The following MAPK10 variants were observed in gnomAD, a reference collection of about 807,000 sequenced individuals.
MAPK10 encodes the protein JNK3 alpha protein kinase.
A neutral mutation model predicts 59.3 loss-of-function variants in MAPK10; 25 were observed. The observed-to-expected ratio is 0.42, with a 90% CI of 0.31 to 0.59. MAPK10 has a LOEUF of 0.59. Ranked by LOEUF, MAPK10 falls within the 20% of genes least tolerant of loss-of-function variation. The pLI, the probability that MAPK10 is intolerant of heterozygous loss-of-function variation, is 0.15. For synonymous variants in MAPK10, 190 were observed against 200.5 expected (o/e 0.95, Z 0.44); for missense variants, 351 against 568.9 (o/e 0.62, Z 3.90).
At chr4:86,282,875 T>C (rs1351627806) in intron 2 of MAPK10, among the ~76,000 whole-genome samples, 1 of 152,206 alleles carries the variant, frequency 6.6e-6, no homozygotes, top group Non-Finnish European at 1.5e-5. Flanking sequence ...TGATGTAATT[T>C]CCTGCTTATC....
At chr4:86,203,465 C>A (rs1164665262) in intron 2 of MAPK10, among the ~76,000 whole-genome samples, 1 of 151,508 alleles carries the variant, frequency 6.6e-6, no homozygotes, top group Non-Finnish European at 1.5e-5. Flanking sequence ...TTGTTCTGGG[C>A]AGCTCCAGGA....
chr4:86,221,248 A>G (rs150849310), intron 2 of MAPK10, among the ~76,000 whole-genome samples: 1,703 of 152,336 alleles, frequency 0.011, 18 homozygotes, highest in Non-Finnish European at 0.017. Context: ...CTCAAGAACA[A>G]TGCCACCCAG....
chr4:86,211,982 T>G (rs72874014), intron 2 of MAPK10, among the ~76,000 whole-genome samples: 4,518 of 152,038 alleles, frequency 0.03, 156 homozygotes, highest in African/African-American at 0.083. Flanking sequence ...GGAATTAAAA[T>G]GTTTTAGTAC....
At chr4:86,539,788 C>T (rs1758531269) in intron 1 of MAPK10, among the ~76,000 whole-genome samples, 1 of 152,164 alleles carries the variant, frequency 6.6e-6, no homozygotes, top group African/African-American at 2.4e-5. Context: ...AACTGTCCCA[C>T]TAAAATGCTT....
At chr4:86,532,847 C>CT (rs960360691) in intron 1 of MAPK10, among the ~76,000 whole-genome samples, 21 of 152,354 alleles carry the variant, frequency 1.4e-4, no homozygotes, top group Admixed American at 1.3e-3. Flanking sequence ...CCAGTGGCCT[C>CT]TGCCTTGTGG....
intron 2 of MAPK10, among the ~76,000 whole-genome samples, chr4:86,348,523 T>C (rs868752562): frequency 1.2e-4 from 19 of 152,266 alleles, no homozygotes; most frequent in African/African-American, 4.6e-4. Flanking sequence ...CCTTAGATCC[T>C]ACAGTCATTT....
intron 1 of MAPK10, among the ~76,000 whole-genome samples, chr4:86,438,598 G>A (rs527639544): frequency 6.6e-6 from 1 of 151,670 alleles, no homozygotes; most frequent in East Asian, 1.9e-4. Flanking sequence ...GTGGAGGCAG[G>A]AGAATTGCTT....
chr4:86,045,408 C>T (rs948367180), intron 11 of MAPK10, among the ~76,000 whole-genome samples: 2 of 152,098 alleles, frequency 1.3e-5, no homozygotes, highest in Non-Finnish European at 2.9e-5. Flanking sequence ...CTTTGAATTC[C>T]ACCTCCCTTA....
chr4:86,251,151 T>C (rs1452924696), intron 2 of MAPK10, among the ~76,000 whole-genome samples: 1 of 74,020 alleles, frequency 1.4e-5, no homozygotes, highest in Non-Finnish European at 2.4e-5. Flanking sequence ...ATCGTTTTTA[T>C]TTTATTTTAT....
intron 3 of MAPK10, among the ~76,000 whole-genome samples, chr4:86,186,603 T>C (rs1040021422): frequency 1.3e-5 from 2 of 152,122 alleles, no homozygotes; most frequent in African/African-American, 4.8e-5. Flanking sequence ...CTTGTTTCAA[T>C]GATTCATGTC....
chr4:86,517,430 C>G (rs1311850299), intron 1 of MAPK10, among the ~76,000 whole-genome samples: 1 of 151,918 alleles, frequency 6.6e-6, no homozygotes, highest in African/African-American at 2.4e-5. Flanking sequence ...GGCCGGCCAC[C>G]GCGCCCGGCT....
chr4:86,149,418 C>G (rs1041664655), intron 4 of MAPK10, among the ~76,000 whole-genome samples: 5 of 152,132 alleles, frequency 3.3e-5, no homozygotes, highest in African/African-American at 1.2e-4. Context: ...AGGCACCCAC[C>G]ACCACGCCTG....
chr4:86,346,518 G>A (rs115615092), intron 2 of MAPK10, among the ~76,000 whole-genome samples: 1,523 of 152,014 alleles, frequency 0.01, 13 homozygotes, highest in African/African-American at 0.027. Context: ...TTAAATCTGC[G>A]GATGTGAAAC....
chr4:86,198,335 CTG>C (rs2081870482), intron 2 of MAPK10, among the ~76,000 whole-genome samples: 1 of 152,036 alleles, frequency 6.6e-6, no homozygotes, highest in African/African-American at 2.4e-5. Flanking sequence ...AGTAATGCAA[CTG>C]TGTGTGCTGA....
chr4:86,246,353 C>T (rs2093085262), intron 2 of MAPK10, among the ~76,000 whole-genome samples: 1 of 152,098 alleles, frequency 6.6e-6, no homozygotes, highest in South Asian at 2.1e-4. Context: ...ATGGTGTGAA[C>T]CCATGAGGCG....
chr4:86,446,054 A>T (rs1053543204), intron 1 of MAPK10, among the ~76,000 whole-genome samples: 7 of 152,180 alleles, frequency 4.6e-5, no homozygotes, highest in African/African-American at 1.7e-4. Flanking sequence ...GTATTTGATG[A>T]TCGATTATAG....
At chr4:86,572,863 T>C (rs1048158851) in intron 1 of MAPK10, among the ~76,000 whole-genome samples, 1 of 152,238 alleles carries the variant, frequency 6.6e-6, no homozygotes, top group Non-Finnish European at 1.5e-5. Flanking sequence ...TATAATGATA[T>C]TCATCTTAAT....
intron 3 of MAPK10, among the ~76,000 whole-genome samples, chr4:86,175,263 G>T (rs532314270): frequency 6.6e-6 from 1 of 152,248 alleles, no homozygotes; most frequent in Non-Finnish European, 1.5e-5. Context: ...TCTAAAATAT[G>T]TCTTTATATT....
chr4:86,441,812 A>G (rs577855208), intron 1 of MAPK10, among the ~76,000 whole-genome samples: 36 of 152,238 alleles, frequency 2.4e-4, no homozygotes, highest in African/African-American at 6.0e-4. Context: ...GGCTCCCCCT[A>G]TTGTCCCCAT....
Sources: gnomAD v4.1 joint callset for allele counts (sites outside exome capture counted in the v4.1 genomes callset) on GRCh38, gnomAD v4.1.1 for gene constraint, MANE v1.5 for transcripts, NCBI Gene and HGNC (gene_info 2026-07-23, HGNC 2026-07-21) for gene names.